Variants in DRC1 observed in about 807,000 individuals in gnomAD.
The protein encoded by DRC1 is dynein regulatory complex protein 1.
Under a neutral mutation model 98.7 loss-of-function variants are expected in DRC1, and 74 were observed. That is an observed-to-expected ratio of 0.75 (90% CI 0.62 to 0.91). DRC1 has a LOEUF of 0.91. Among genes scored for constraint, DRC1 ranks in the 40% least tolerant of loss-of-function variants. The pLI is 0.00. For missense variants in DRC1, 875 were observed against 886.0 expected (o/e 0.99, Z 0.16); for synonymous variants, 336 against 334.1 (o/e 1.01, Z -0.06).
Position 26,402,126 on chromosome 2 carries a change from G to C in DRC1, c.137G>C (p.Arg46Pro), listed in dbSNP as rs745457802. 3.7e-6 allele frequency: 6 copies of C among 1,609,734 alleles called. No homozygotes were observed. The highest frequency in any genetic ancestry group is 5.1e-6 in the Non-Finnish European group (6 of 1,178,654). Residue 46 changes from arginine (R) to proline (P), a missense_variant, in exon 1 of 17, where the codon CGC (arginine) becomes CCC (proline). Physicochemically the swap from Arg to Pro is moderately radical, Grantham distance 103. Transcript: ENST00000288710. ...GCCCGGCGCCTCCGCATCGCTGCGC[G>C]CTTAGAAGCCCGGAGGCGGTGAGCG... Reference protein sequence around the residue: ...IQARRLRIAARLEARRREALG... With the variant: ...IQARRLRIAAPLEARRREALG...
chr2:26,454,534 A>AC lies in DRC1; in HGVS notation c.1920-112dup. ...ACCTGCCACCGTCTAATAAACTTGGACTGCTGAGTGGGAAGGTGACAGGTG... is the reference window on the plus strand; with the variant it reads ...ACCTGCCACCGTCTAATAAACTTGGACCTGCTGAGTGGGAAGGTGACAGGTG... On this transcript the variant is annotated intron_variant, in intron 14 of 16. Coordinates refer to ENST00000288710, the MANE Select transcript of DRC1 (RefSeq NM_145038.5). This position sits in a 1 kb window ranked among gnomAD's most constrained non-coding sequence, Gnocchi z 5.2. 6.8e-7 allele frequency: 1 copy of AC among 1,461,054 alleles called. No individual in the cohort carries two copies. Among genetic ancestry groups the AC allele is most frequent in the South Asian group, 1.3e-5 (1 of 76,688 alleles). The allele number at this position is 1,461,054 out of a possible 1,614,324, so 90.5% of individuals were successfully genotyped here.
At chr2:26,425,386 G>C (rs1254884387) in intron 4 of DRC1, among the ~76,000 whole-genome samples, 1 of 152,094 alleles carries the variant, frequency 6.6e-6, no homozygotes, top group African/African-American at 2.4e-5. Flanking sequence ...TATGAACATG[G>C]GTATACACGT....
At chr2:26,436,034 A>G (rs1249753354) in intron 7 of DRC1, among the ~76,000 whole-genome samples, 2 of 152,010 alleles carry the variant, frequency 1.3e-5, no homozygotes, top group African/African-American at 2.4e-5. Context: ...GAATTGCCAC[A>G]CTGCTTTCTA....
intron 3 of DRC1, among the ~76,000 whole-genome samples, chr2:26,423,748 C>CT (rs1663210607): frequency 6.6e-6 from 1 of 152,208 alleles, no homozygotes; most frequent in African/African-American, 2.4e-5. Flanking sequence ...AGCACCTGTG[C>CT]TGTGTGCAGC....
intron 7 of DRC1, among the ~76,000 whole-genome samples, chr2:26,437,276 C>A (rs2147995718): frequency 6.6e-6 from 1 of 152,340 alleles, no homozygotes; most frequent in South Asian, 2.1e-4. Context: ...CAGATAACTG[C>A]CATTGAAATG....
intron 13 of DRC1, among the ~76,000 whole-genome samples, chr2:26,452,217 G>T (rs765647572): frequency 1.3e-5 from 2 of 152,182 alleles, no homozygotes; most frequent in Non-Finnish European, 2.9e-5. Context: ...GGACAGTTTG[G>T]CAGTATCAAT....
intron 11 of DRC1, 31 bp from the exon 12 acceptor site, chr2:26,449,965 C>A (rs754657161): frequency 6.9e-6 from 11 of 1,603,722 alleles, no homozygotes; most frequent in Non-Finnish European, 8.5e-6. Flanking sequence ...AACCTGTCCC[C>A]GACAGGAGAT....
Position 26,426,781 on chromosome 2 carries a change from T to G in DRC1, c.540+2327T>G, listed in dbSNP as rs563024367. On this transcript the variant is annotated intron_variant, in intron 4 of 16. Transcript: ENST00000288710. ...CTGAATTTTACAAATTTTAGGATGG[T>G]TTTCCTATTTCCACAAAAAATGATG... Among the ~76,000 whole-genome samples the G allele has an allele frequency of 1.0e-3, 158 of 152,310 alleles. 1 individual carries two copies. The highest frequency in any genetic ancestry group is 3.7e-3 in the African/African-American group (153 of 41,556).
intron 2 of DRC1, among the ~76,000 whole-genome samples, chr2:26,418,566 A>T (rs1335907081): frequency 9.4e-6 from 1 of 106,024 alleles, no homozygotes; most frequent in African/African-American, 4.4e-5. Context: ...ATTTATATAT[A>T]ATATATATTA....
intron 5 of DRC1, chr2:26,430,348 G>A (rs1024349415): frequency 5.9e-5 from 21 of 354,130 alleles, no homozygotes; most frequent in Middle Eastern, 2.0e-3. Context: ...TCTCTCTCTC[G>A]GTTGTTAGAG....
At position 26,455,247 on chromosome 2, in the gene DRC1, C is replaced by A. The variant is rs372413028; in HGVS notation, c.2166+14C>A. On this transcript the variant is annotated intron_variant, in intron 16 of 16. Transcript: ENST00000288710. Reference sequence around the variant, plus strand: ...CTGAACTCCAAGGTGGGCGGCGGGGCCTTCCAAGGAGGGGCAGCGGGAGAC... The same window carrying A: ...CTGAACTCCAAGGTGGGCGGCGGGGACTTCCAAGGAGGGGCAGCGGGAGAC... 2.6e-5 allele frequency: 42 copies of A among 1,609,328 alleles called. No individual in the cohort carries two copies. The highest frequency in any genetic ancestry group is 3.5e-5 in the Non-Finnish European group (41 of 1,177,406).
chr2:26,451,591 AAGGTTGAGGCTGCAGTGAGCCATGATG>A (rs377267773), intron 13 of DRC1, among the ~76,000 whole-genome samples: 2,852 of 152,088 alleles, frequency 0.019, 85 homozygotes, highest in African/African-American at 0.063. Context: ...TTTAGCCCAG[AAGGTTGAGGCTGCAGTGAGCCATGATG>A]AGGTTGAGGC....
chr2:26,444,641 G>A, intron 9 of DRC1, 75 bp from the exon 10 acceptor site: 1 of 1,388,378 alleles, frequency 7.2e-7, no homozygotes, highest in East Asian at 2.4e-5. Context: ...TCATATTCCT[G>A]CCCTGCTGCT....
rs142803074 is a variant in DRC1, at chr2:26,431,490, G to A, written c.766-394G>A. ...AGGTGTTTTAAGACACCTTTTTAAA[G>A]GGTGTGGGATTATCACTTTATTTCA... On this transcript the variant is annotated intron_variant, in intron 6 of 16. Transcript: ENST00000288710. Among the ~76,000 whole-genome samples, 16 of 152,256 alleles carry A rather than the reference G, an allele frequency of 1.1e-4. No individual in the cohort carries two copies. In the East Asian group the frequency reaches 2.9e-3, roughly 28 times the overall value.
At chr2:26,436,721 A>G (rs1013323317) in intron 7 of DRC1, among the ~76,000 whole-genome samples, 2 of 152,086 alleles carry the variant, frequency 1.3e-5, no homozygotes, top group Non-Finnish European at 2.9e-5. Context: ...GTTGTATTGT[A>G]AATATAAAAA....
chr2:26,453,217 G>A, intron 13 of DRC1, 103 bp from the exon 14 acceptor site: 1 of 1,397,630 alleles, frequency 7.2e-7, no homozygotes, highest in Non-Finnish European at 9.8e-7. Flanking sequence ...TGGGCAAGCT[G>A]TCACTTTCTG....
intron 3 of DRC1, among the ~76,000 whole-genome samples, chr2:26,421,905 G>A (rs145923452): frequency 1.1e-4 from 16 of 152,218 alleles, no homozygotes; most frequent in Non-Finnish European, 1.6e-4. Flanking sequence ...CTACATTGCT[G>A]ATACGTGCCA....
intron 2 of DRC1, among the ~76,000 whole-genome samples, chr2:26,418,235 T>A (rs1369674246): frequency 1.3e-5 from 2 of 151,948 alleles, no homozygotes; most frequent in African/African-American, 4.8e-5. Flanking sequence ...TCCCGGAGTC[T>A]GTCCTGCTCA....
At chr2:26,451,699 A>G (rs1457763585) in intron 13 of DRC1, among the ~76,000 whole-genome samples, 1 of 151,980 alleles carries the variant, frequency 6.6e-6, no homozygotes, top group Non-Finnish European at 1.5e-5. Context: ...TCTCTAAGGG[A>G]AAAAAAAGAG....
Sources: gnomAD v4.1 joint callset for allele counts (sites outside exome capture counted in the v4.1 genomes callset) on GRCh38, gnomAD v4.1.1 for gene constraint, Gnocchi (gnomAD v3.1) non-coding constraint, MANE v1.5 for transcripts, NCBI Gene and HGNC (gene_info 2026-07-23, HGNC 2026-07-21) for gene names.